UQCRB: variants seen among roughly 807,000 people sequenced by gnomAD.
UQCRB encodes ubiquinol-cytochrome c reductase binding protein.
Under a neutral mutation model 19.8 loss-of-function variants are expected in UQCRB, and 12 were observed. The ratio of observed to expected loss-of-function variants is 0.61; its 90% CI spans 0.39 to 0.98. The LOEUF is 0.98. Ranked by LOEUF, UQCRB falls within the 50% of genes least tolerant of loss-of-function variation. The probability of loss-of-function intolerance (pLI) is 0.00; values close to 1 mark genes in which losing one functional copy is unlikely to be tolerated. For missense variants in UQCRB, 142 were observed against 131.8 expected, an observed-to-expected ratio of 1.08 and a Z score of -0.38; for synonymous variants, 39 against 42.9, an observed-to-expected ratio of 0.91 and a Z score of 0.35.
rs1318265120 is a variant in UQCRB, at chr8:96,227,958, GAT to G, written c.*3095_*3096del. 2.2e-6 allele frequency: 1 copy of G among 454,076 alleles called. No homozygotes were observed. Among genetic ancestry groups the G allele is most frequent in the South Asian group, 1.6e-5 (1 of 64,480 alleles). 28.1% of individuals were successfully genotyped at this position (454,076 alleles called of 1,614,324 possible). On this transcript the variant is annotated 3_prime_UTR_variant, in exon 4 of 4. Transcript: ENST00000287022. ...AGCGTCACATAAATATTCAGACCAT[GAT>G]AACTCAGTGCAGGAATGTTATCAAA...
Position 96,228,806 on chromosome 8 carries a change from C to A in UQCRB, c.*2249G>T, listed in dbSNP as rs1253851050. The A allele has an allele frequency of 2.2e-6, 1 of 454,066 alleles. No homozygotes were observed. The highest frequency in any genetic ancestry group is 4.4e-6 in the Non-Finnish European group (1 of 226,784). The allele number at this position is 454,066 out of a possible 1,614,324, so 28.1% of individuals were successfully genotyped here. ...TGTGCAGTCTAACCCAGAATTAGCTCTGAATCACTCTACCATTCGGTCTAC... is the reference window on the plus strand; with the variant it reads ...TGTGCAGTCTAACCCAGAATTAGCTATGAATCACTCTACCATTCGGTCTAC... On this transcript the variant is annotated 3_prime_UTR_variant, in exon 4 of 4. Transcript: ENST00000287022.
chr8:96,234,461 A>G (rs1400454720), intron 1 of UQCRB: 1 of 1,284,788 alleles, frequency 7.8e-7, no homozygotes, highest in Admixed American at 2.3e-5. Context: ...AGCTAATGGG[A>G]GTTGAGATCT....
rs1187730664 is a variant in UQCRB at position 96,228,180 on chromosome 8, C to A, written c.*2875G>T. Reference sequence around the variant, plus strand: ...TAAAACAAACAAACAGAACATAGACCACTTCAGAGTAAACAAACATAACTT... The same window carrying A: ...TAAAACAAACAAACAGAACATAGACAACTTCAGAGTAAACAAACATAACTT... On this transcript the variant is annotated 3_prime_UTR_variant, in exon 4 of 4. Coordinates refer to ENST00000287022, the MANE Select transcript of UQCRB (RefSeq NM_006294.5). 2.2e-6 allele frequency: 1 copy of A among 453,952 alleles called. No individual in the cohort carries two copies. The highest frequency in any genetic ancestry group is 2.4e-5 in the Admixed American group (1 of 42,546). 28.1% of individuals were successfully genotyped at this position (453,952 alleles called of 1,614,324 possible). A position where few individuals can be genotyped will look rare whatever the true frequency, so the allele number is the denominator to read the frequency against.
Position 96,229,403 on chromosome 8 carries a change from C to T in UQCRB, c.*1652G>A, listed in dbSNP as rs898206369. ...AGAGCCCAGCCTCCCTCCACCCACC[C>T]GGCTCCCTACACACCTTGACAGTGC... On this transcript the variant is annotated 3_prime_UTR_variant, in exon 4 of 4. Coordinates refer to ENST00000287022, the MANE Select transcript of UQCRB (RefSeq NM_006294.5). 1.8e-5 allele frequency: 8 copies of T among 453,934 alleles called. No individual in the cohort carries two copies. The highest frequency in any genetic ancestry group is 6.9e-5 in the East Asian group (1 of 14,390). The allele number at this position is 453,934 out of a possible 1,614,324, so 28.1% of individuals were successfully genotyped here.
chr8:96,233,414 T>A, intron 1 of UQCRB, 187 bp from the exon 2 acceptor site: 1 of 588,432 alleles, frequency 1.7e-6, no homozygotes, highest in Non-Finnish European at 2.9e-6. Flanking sequence ...GAAAAAAGTT[T>A]ATACTCTATA....
In UQCRB at chr8:96,233,150, G is replaced by T; in HGVS notation, c.91+6C>A. 1 of 1,611,536 alleles carries T rather than the reference G, an allele frequency of 6.2e-7. No individual in the cohort carries two copies. On this transcript the variant is annotated splice_donor_region_variant and intron_variant, in intron 2 of 3. Coordinates refer to ENST00000287022, the MANE Select transcript of UQCRB (RefSeq NM_006294.5). Reference sequence around the variant, plus strand: ...ACAAAAAACATTAAACAGCACAGCTGCTTACCCAGTTTATTGAATCCTGCA... The same window carrying T: ...ACAAAAAACATTAAACAGCACAGCTTCTTACCCAGTTTATTGAATCCTGCA...
At position 96,230,080 on chromosome 8, in the gene UQCRB, A is replaced by G. The variant is rs1310093369; in HGVS notation, c.*975T>C. 2.9e-5 allele frequency: 13 copies of G among 453,896 alleles called. No individual in the cohort carries two copies. Among genetic ancestry groups the G allele is most frequent in the Non-Finnish European group, 5.7e-5 (13 of 226,766 alleles). 28.1% of individuals were successfully genotyped at this position (453,896 alleles called of 1,614,324 possible). A position where few individuals can be genotyped will look rare whatever the true frequency, so the allele number is the denominator to read the frequency against. On this transcript the variant is annotated 3_prime_UTR_variant, in exon 4 of 4. Coordinates refer to ENST00000287022, the MANE Select transcript of UQCRB (RefSeq NM_006294.5). ...GGAGTGGAAATGATGACAACATTGA[A>G]TAATCCTAATTTTTTTTTTGAGACA...
chr8:96,226,762 G>T lies in UQCRB; in HGVS notation c.*4293C>A. ...ATAGGCACATGTATTCAAACAAAAA[G>T]TTCAATAAATAATACACTCTTTCTT... On this transcript the variant is annotated 3_prime_UTR_variant, in exon 4 of 4. Transcript: ENST00000287022. 2.5e-6 allele frequency: 1 copy of T among 403,058 alleles called. No individual in the cohort carries two copies. Among genetic ancestry groups the T allele is most frequent in the Non-Finnish European group, 4.8e-6 (1 of 208,584 alleles). The allele number at this position is 403,058 out of a possible 1,614,324, so 25.0% of individuals were successfully genotyped here. A position where few individuals can be genotyped will look rare whatever the true frequency, so the allele number is the denominator to read the frequency against.
Position 96,230,995 on chromosome 8 carries a change from T to C in UQCRB, c.*60A>G. ...CTTCAGACCAAATAATTCTTAAAAT[T>C]GTTTGTTTCAAGTTTAACCATCTTC... On this transcript the variant is annotated 3_prime_UTR_variant, in exon 4 of 4. Coordinates refer to ENST00000287022, the MANE Select transcript of UQCRB (RefSeq NM_006294.5). The C allele has an allele frequency of 6.6e-7, 1 of 1,512,622 alleles. No individual in the cohort carries two copies. Among genetic ancestry groups the C allele is most frequent in the Non-Finnish European group, 9.2e-7 (1 of 1,089,598 alleles). 93.7% of individuals were successfully genotyped at this position (1,512,622 alleles called of 1,614,324 possible). A position where few individuals can be genotyped will look rare whatever the true frequency, so the allele number is the denominator to read the frequency against.
Position 96,230,294 on chromosome 8 carries a change from C to T in UQCRB, c.*761G>A, listed in dbSNP as rs1809634268. ...GTTTCACCATGTTGGCCAGGCTGGTCTCAAATTCCTGACTTCAGGTGACCC... is the reference window on the plus strand; with the variant it reads ...GTTTCACCATGTTGGCCAGGCTGGTTTCAAATTCCTGACTTCAGGTGACCC... On this transcript the variant is annotated 3_prime_UTR_variant, in exon 4 of 4. Transcript: ENST00000287022. 1 of 418,168 alleles carries T rather than the reference C, an allele frequency of 2.4e-6. No individual in the cohort carries two copies. Among genetic ancestry groups the T allele is most frequent in the East Asian group, 7.1e-5 (1 of 14,080 alleles). The allele number at this position is 418,168 out of a possible 1,614,324, so 25.9% of individuals were successfully genotyped here.
Position 96,230,561 on chromosome 8 carries a change from G to A in UQCRB, c.*494C>T. 1 of 454,148 alleles carries A rather than the reference G, an allele frequency of 2.2e-6. No individual in the cohort carries two copies. Among genetic ancestry groups the A allele is most frequent in the Non-Finnish European group, 4.4e-6 (1 of 226,942 alleles). 28.1% of individuals were successfully genotyped at this position (454,148 alleles called of 1,614,324 possible). ...CATCTTTTTGTTTTCTAGTATACAT[G>A]TTAGCACAGGAGTATGTATATTACT... is the stretch of plus-strand genomic sequence containing the variant. On this transcript the variant is annotated 3_prime_UTR_variant, in exon 4 of 4. Transcript: ENST00000287022.
At chr8:96,233,399 TAAAAG>T in intron 1 of UQCRB, 172 bp from the exon 2 acceptor site, 1 of 614,388 alleles carries the variant, frequency 1.6e-6, no homozygotes, top group South Asian at 2.1e-5. Flanking sequence ...GAATTAGATT[TAAAAG>T]AAAAAAGTTT....
chr8:96,228,434 A>G lies in UQCRB; in HGVS notation c.*2621T>C. ...TCCACTCTTCTCATCTCCAGCAGGTACTTCACTCAAGGAGGTGACACCCAA... is the reference window on the plus strand; with the variant it reads ...TCCACTCTTCTCATCTCCAGCAGGTGCTTCACTCAAGGAGGTGACACCCAA... On this transcript the variant is annotated 3_prime_UTR_variant, in exon 4 of 4. Transcript: ENST00000287022. The G allele has an allele frequency of 2.2e-6, 1 of 454,110 alleles. No individual in the cohort carries two copies. Among genetic ancestry groups the G allele is most frequent in the South Asian group, 1.6e-5 (1 of 64,476 alleles). 28.1% of individuals were successfully genotyped at this position (454,110 alleles called of 1,614,324 possible).
rs1301994424 is a variant in UQCRB at position 96,226,777 on chromosome 8, C to T, written c.*4278G>A. ...CAAACAAAAAGTTCAATAAATAATA[C>T]ACTCTTTCTTTGTAGGAGATATAAT... On this transcript the variant is annotated 3_prime_UTR_variant, in exon 4 of 4. Transcript: ENST00000287022. 5 of 422,170 alleles carry T rather than the reference C, an allele frequency of 1.2e-5. No homozygotes were observed. The highest frequency in any genetic ancestry group is 2.3e-5 in the Non-Finnish European group (5 of 215,866). 26.2% of individuals were successfully genotyped at this position (422,170 alleles called of 1,614,324 possible). A position where few individuals can be genotyped will look rare whatever the true frequency, so the allele number is the denominator to read the frequency against.
rs145799884 is a variant in UQCRB at position 96,231,506 on chromosome 8, C to G, written c.258+268G>C. On this transcript the variant is annotated intron_variant, in intron 3 of 3. Transcript: ENST00000287022. The stretch of plus-strand genomic sequence containing the variant: ...TAGGAAGCAGAGTGCAGAGCTGGAA[C>G]AGCAAAGACCTGGGAGGCAACAGAC... 7.0e-5 allele frequency: 107 copies of G among 1,531,450 alleles called. 2 individuals are homozygous for G. In the South Asian group the frequency reaches 1.2e-3, roughly 17 times the overall value. 94.9% of individuals were successfully genotyped at this position (1,531,450 alleles called of 1,614,324 possible). A position where few individuals can be genotyped will look rare whatever the true frequency, so the allele number is the denominator to read the frequency against.
intron 1 of UQCRB, chr8:96,234,478 T>C (rs1809753484): frequency 7.8e-7 from 1 of 1,288,402 alleles, no homozygotes; most frequent in Non-Finnish European, 1.0e-6. Flanking sequence ...ATCTGGTCTA[T>C]GTAGTTCCCA....
At chr8:96,234,110 C>T (rs543061435) in intron 1 of UQCRB, 6 of 157,144 alleles carry the variant, frequency 3.8e-5, no homozygotes, top group African/African-American at 1.2e-4. Context: ...TTAGCCCTTA[C>T]CAAGGAAGGA....
intron 1 of UQCRB, chr8:96,235,199 T>C (rs1809779410): frequency 1.9e-6 from 1 of 537,720 alleles, no homozygotes. Flanking sequence ...AGTTATCCTC[T>C]TGTGCCCTTT....
chr8:96,223,063 G>T lies in UQCRB; in HGVS notation c.*7992C>A, dbSNP rs1000502694. ...GGAAATGGGGAGAGGTAGGTCAAAG[G>T]ATACACAAACTTGCAATTATACAAG... On this transcript the variant is annotated 3_prime_UTR_variant, in exon 4 of 4. Coordinates refer to ENST00000287022, the MANE Select transcript of UQCRB (RefSeq NM_006294.5). Among the ~76,000 whole-genome samples the T allele has an allele frequency of 7.2e-6, 1 of 139,746 alleles. No homozygotes were observed. Among genetic ancestry groups the T allele is most frequent in the African/African-American group, 3.2e-5 (1 of 31,598 alleles). The allele number at this position is 139,746 out of a possible 152,430, so 91.7% of individuals were successfully genotyped here.
Sources: allele counts gnomAD v4.1 joint callset (sites outside exome capture counted in the v4.1 genomes callset), GRCh38; gene constraint gnomAD v4.1.1; transcripts MANE v1.5; gene names NCBI Gene and HGNC (gene_info 2026-07-23, HGNC 2026-07-21).